The following BTRC variants were observed in gnomAD, a reference collection of about 807,000 sequenced individuals.
The protein encoded by BTRC is beta-transducin repeat containing E3 ubiquitin protein ligase.
In BTRC, 42 loss-of-function variants were observed where a neutral mutation model predicts 85.5. The ratio of observed to expected loss-of-function variants is 0.49; its 90% CI spans 0.38 to 0.64. BTRC has a LOEUF of 0.64. Ranked by LOEUF, BTRC falls within the 30% of genes least tolerant of loss-of-function variation. BTRC has a pLI of 0.00. For synonymous variants in BTRC, 255 were observed against 263.3 expected, an observed-to-expected ratio of 0.97 and a Z score of 0.30; for missense variants, 594 against 743.5, an observed-to-expected ratio of 0.80 and a Z score of 2.34.
intron 4 of BTRC, among the ~76,000 whole-genome samples, chr10:101,505,157 G>GTGTATA (rs1554889442): frequency 1.1e-4 from 13 of 118,910 alleles, no homozygotes; most frequent in South Asian, 3.0e-4. Context: ...ATATGTATAT[G>GTGTATA]TATATATATA....
intron 2 of BTRC, among the ~76,000 whole-genome samples, chr10:101,459,555 T>A (rs1428688563): frequency 6.6e-6 from 1 of 152,246 alleles, no homozygotes; most frequent in African/African-American, 2.4e-5. Flanking sequence ...GTTGGGTTAA[T>A]CTGTATTAAA....
chr10:101,522,014 C>CTTTTTTTTTTTTTTTTTT (rs1194237945), intron 5 of BTRC, 144 bp downstream of exon 5: 1 of 64,446 alleles, frequency 1.6e-5, no homozygotes. Context: ...TGATATAAAG[C>CTTTTTTTTTTTTTTTTTT]TTTTTTTTTT....
intron 1 of BTRC, among the ~76,000 whole-genome samples, chr10:101,359,177 G>A (rs1051686691): frequency 3.3e-5 from 5 of 152,106 alleles, no homozygotes; most frequent in African/African-American, 1.2e-4. Context: ...GGAAACAGAG[G>A]TATCTAAACA....
At chr10:101,362,879 A>G (rs1177506484) in intron 1 of BTRC, among the ~76,000 whole-genome samples, 2 of 152,378 alleles carry the variant, frequency 1.3e-5, no homozygotes, top group East Asian at 3.9e-4. Context: ...AACAATACGT[A>G]TAACAACTAC....
At chr10:101,426,129 A>T (rs1944245664) in intron 1 of BTRC, among the ~76,000 whole-genome samples, 1 of 152,140 alleles carries the variant, frequency 6.6e-6, no homozygotes, top group Non-Finnish European at 1.5e-5. Context: ...TCCTTCTTTT[A>T]CGAAATGCTT....
intron 1 of BTRC, among the ~76,000 whole-genome samples, chr10:101,390,496 C>CCCGG (rs201805902): frequency 0.36 from 54,486 of 151,424 alleles, 10,865 homozygotes; most frequent in Middle Eastern, 0.48. Flanking sequence ...CGCCACCACG[C>CCCGG]CTAATTTTTT....
At chr10:101,396,153 A>G (rs1439269960) in intron 1 of BTRC, among the ~76,000 whole-genome samples, 1 of 151,640 alleles carries the variant, frequency 6.6e-6, no homozygotes, top group Admixed American at 6.6e-5. Context: ...AGTCATAACA[A>G]TAGAGTTCTT....
chr10:101,383,057 A>ATTTTTTTTTTTTTTTTTTTTTTTT (rs370353886), intron 1 of BTRC, among the ~76,000 whole-genome samples: 1 of 116,516 alleles, frequency 8.6e-6, no homozygotes. Context: ...TTCCCTGGAG[A>ATTTTTTTTTTTTTTTTTTTTTTTT]TTTTTTTTTT....
At chr10:101,365,811 A>C (rs1479879798) in intron 1 of BTRC, among the ~76,000 whole-genome samples, 1 of 152,140 alleles carries the variant, frequency 6.6e-6, no homozygotes, top group Non-Finnish European at 1.5e-5. Context: ...CGGATTTTCT[A>C]CAGTGAATAT....
At chr10:101,498,346 G>T (rs1239896600) in intron 4 of BTRC, among the ~76,000 whole-genome samples, 3 of 151,916 alleles carry the variant, frequency 2.0e-5, no homozygotes, top group Non-Finnish European at 4.4e-5. Flanking sequence ...TAGAGATGGG[G>T]GTTTCACTAT....
At chr10:101,523,434 A>G (rs1210275098) in intron 5 of BTRC, among the ~76,000 whole-genome samples, 1 of 152,178 alleles carries the variant, frequency 6.6e-6, no homozygotes, top group Non-Finnish European at 1.5e-5. Flanking sequence ...ATGCTATTTC[A>G]GGAAAATAGG....
chr10:101,439,394 A>G (rs1288012258), intron 2 of BTRC, among the ~76,000 whole-genome samples: 2 of 152,186 alleles, frequency 1.3e-5, no homozygotes, highest in Non-Finnish European at 2.9e-5. Flanking sequence ...CCTGACCTCT[A>G]TCACGTTGAA....
chr10:101,479,476 C>T lies in BTRC; in HGVS notation c.324+19C>T, dbSNP rs748572060. The T allele has an allele frequency of 2.5e-6, 4 of 1,575,696 alleles. No homozygotes were observed. Among genetic ancestry groups the T allele is most frequent in the East Asian group, 2.2e-5 (1 of 44,580 alleles). On this transcript the variant is annotated intron_variant, in intron 4 of 14. Transcript: ENST00000370187. ...GGCCAAAGTAAGTAATATTGCTCAT[C>T]AATGTATATTACACCACACCATAAC...
chr10:101,369,899 C>G (rs1263455538), intron 1 of BTRC, among the ~76,000 whole-genome samples: 1 of 152,196 alleles, frequency 6.6e-6, no homozygotes, highest in East Asian at 1.9e-4. Context: ...TGTGACCACT[C>G]TCATGTTGCT....
chr10:101,549,713 CAAAAAAAAAA>C (rs755481178), intron 13 of BTRC, among the ~76,000 whole-genome samples: 5 of 42,770 alleles, frequency 1.2e-4, no homozygotes, highest in African/African-American at 2.6e-4. Flanking sequence ...GACTCTGTCT[CAAAAAAAAAA>C]AAAAAAAAAA....
At chr10:101,539,849 G>A (rs1487754475) in intron 13 of BTRC, among the ~76,000 whole-genome samples, 2 of 152,192 alleles carry the variant, frequency 1.3e-5, no homozygotes, top group Admixed American at 1.3e-4. Flanking sequence ...AGCACAGTCT[G>A]TAATTTAGTC....
At chr10:101,472,660 CA>C (rs1945564220) in intron 3 of BTRC, among the ~76,000 whole-genome samples, 1 of 152,098 alleles carries the variant, frequency 6.6e-6, no homozygotes. Flanking sequence ...ACTAAAAATA[CA>C]AAAATTATCT....
chr10:101,360,579 C>A (rs1942176693), intron 1 of BTRC, among the ~76,000 whole-genome samples: 1 of 151,788 alleles, frequency 6.6e-6, no homozygotes, highest in African/African-American at 2.4e-5. Context: ...CCATGTTGGC[C>A]AGGCTATTCT....
chr10:101,492,837 A>G (rs1028398288), intron 4 of BTRC, among the ~76,000 whole-genome samples: 1 of 152,160 alleles, frequency 6.6e-6, no homozygotes, highest in African/African-American at 2.4e-5. Context: ...TATGCTTTTC[A>G]AAGGTTTAGG....
Sources: allele counts gnomAD v4.1 joint callset (sites outside exome capture counted in the v4.1 genomes callset), GRCh38; gene constraint gnomAD v4.1.1; transcripts MANE v1.5; gene names NCBI Gene and HGNC (gene_info 2026-07-23, HGNC 2026-07-21).